The following HDHD2 variants were observed in gnomAD, a reference collection of about 807,000 sequenced individuals.
HDHD2 encodes the protein haloacid dehalogenase-like hydrolase domain-containing protein 2.
A neutral mutation model predicts 24.8 loss-of-function variants in HDHD2; 26 were observed. The ratio of observed to expected loss-of-function variants is 1.05; its 90% confidence interval spans 0.77 to 1.45. The LOEUF (loss-of-function observed/expected upper bound fraction) is 1.45. Ranked by LOEUF, HDHD2 falls within the 40% of genes most tolerant of loss-of-function variation. The pLI, the probability that HDHD2 is intolerant of heterozygous loss-of-function variation, is 0.00. For synonymous variants in HDHD2, 128 were observed against 114.9 expected, an observed-to-expected ratio of 1.11 and a Z score of -0.73; for missense variants, 299 against 313.4, an observed-to-expected ratio of 0.95 and a Z score of 0.35.
At chr18:47,110,744 GATGA>G in intron 6 of HDHD2, 1 of 985,278 alleles carries the variant, frequency 1.0e-6, no homozygotes, top group Non-Finnish European at 1.2e-6. Flanking sequence ...ATGGATAAAT[GATGA>G]ATGGAGGGAG....
intron 3 of HDHD2, among the ~76,000 whole-genome samples, chr18:47,130,666 T>C (rs972393600): frequency 2.6e-5 from 4 of 152,214 alleles, no homozygotes; most frequent in African/African-American, 4.8e-5. Flanking sequence ...CAAAATGCTT[T>C]ACTGATTACA....
At chr18:47,133,497 T>TGGGTATATACCCAG (rs1555651087) in intron 3 of HDHD2, among the ~76,000 whole-genome samples, 2 of 104,460 alleles carry the variant, frequency 1.9e-5, no homozygotes, top group African/African-American at 7.1e-5. Flanking sequence ...TTATAGTCCT[T>TGGGTATATACCCAG]TAATGGGATG....
chr18:47,137,872 T>C (rs965283865), intron 1 of HDHD2, among the ~76,000 whole-genome samples: 10 of 151,350 alleles, frequency 6.6e-5, no homozygotes, highest in Admixed American at 5.3e-4. Context: ...AAACTTCCTG[T>C]TGGAAAAAAA....
At chr18:47,141,875 G>A (rs563786974) in intron 1 of HDHD2, among the ~76,000 whole-genome samples, 22 of 152,280 alleles carry the variant, frequency 1.4e-4, no homozygotes, top group Admixed American at 9.8e-4. Context: ...TAATTCCCAC[G>A]TGTCGTGGGA....
At chr18:47,135,003 A>C (rs2063750530) in intron 2 of HDHD2, among the ~76,000 whole-genome samples, 1 of 152,214 alleles carries the variant, frequency 6.6e-6, no homozygotes, top group South Asian at 2.1e-4. Context: ...CCTATTAAGG[A>C]GTCAAGATAA....
chr18:47,124,706 CAAAAA>C (rs34350751), intron 4 of HDHD2, among the ~76,000 whole-genome samples: 1 of 43,370 alleles, frequency 2.3e-5, no homozygotes, highest in Non-Finnish European at 3.9e-5. Flanking sequence ...AACTCTGACT[CAAAAA>C]AAAAAAAAAA....
At chr18:47,129,515 T>C (rs1045025966) in intron 4 of HDHD2, among the ~76,000 whole-genome samples, 3 of 152,144 alleles carry the variant, frequency 2.0e-5, no homozygotes, top group Non-Finnish European at 4.4e-5. Flanking sequence ...TCTACTTCAC[T>C]GACTAAACTC....
chr18:47,133,133 T>C (rs1392363180), intron 3 of HDHD2, among the ~76,000 whole-genome samples: 1 of 151,814 alleles, frequency 6.6e-6, no homozygotes, highest in African/African-American at 2.4e-5. Context: ...CTCCTAACGC[T>C]ATCCCTCCCC....
intron 1 of HDHD2, among the ~76,000 whole-genome samples, chr18:47,147,179 C>A (rs1599975038): frequency 6.6e-6 from 1 of 152,174 alleles, no homozygotes; most frequent in African/African-American, 2.4e-5. Context: ...TTAAGTAAAT[C>A]CCCGATTCTG....
At chr18:47,127,295 A>C (rs971486107) in intron 4 of HDHD2, among the ~76,000 whole-genome samples, 1 of 152,210 alleles carries the variant, frequency 6.6e-6, no homozygotes, top group African/African-American at 2.4e-5. Context: ...AAGCATGCAC[A>C]ATACATTAGG....
chr18:47,136,402 T>C lies in HDHD2; in HGVS notation c.38A>G (p.Asp13Gly). Residue 13 changes from aspartate (D) to glycine (G), a missense_variant, in exon 2 of 7, where the codon GAT becomes GGT. By Grantham distance (94) the Asp-to-Gly change is moderately conservative (BLOSUM62 -1). Coordinates refer to ENST00000300605, the MANE Select transcript of HDHD2 (RefSeq NM_032124.5). Reference sequence around the variant, plus strand: ...TTCAATGTGAAGTGTGCCACTGAGATCTACCAAAACAGCTTTTAATGCACG... The same window carrying C: ...TTCAATGTGAAGTGTGCCACTGAGACCTACCAAAACAGCTTTTAATGCACG... ...ACRALKAVLV[D>G]LSGTLHIEDA... 1 of 1,613,124 alleles carries C rather than the reference T, an allele frequency of 6.2e-7. No homozygotes were observed. The highest frequency in any genetic ancestry group is 8.5e-7 in the Non-Finnish European group (1 of 1,179,904).
intron 3 of HDHD2, among the ~76,000 whole-genome samples, chr18:47,130,823 G>A (rs371487249): frequency 6.6e-6 from 1 of 152,166 alleles, no homozygotes; most frequent in Non-Finnish European, 1.5e-5. Context: ...GAAATGCACT[G>A]CAGAGTCTAC....
chr18:47,125,056 GGAGGCTAAGGCAGGAGGACCTCTT>G (rs2063644729), intron 4 of HDHD2, among the ~76,000 whole-genome samples: 1 of 152,062 alleles, frequency 6.6e-6, no homozygotes, highest in Non-Finnish European at 1.5e-5. Context: ...TAGCTACTTG[GGAGGCTAAGGCAGGAGGACCTCTT>G]GAGTCCAGGA....
intron 1 of HDHD2, among the ~76,000 whole-genome samples, chr18:47,138,784 A>T (rs1023566934): frequency 6.6e-6 from 1 of 152,192 alleles, no homozygotes; most frequent in African/African-American, 2.4e-5. Flanking sequence ...CAGAACTCTC[A>T]TCTGATTGTG....
chr18:47,136,964 C>G, intron 1 of HDHD2: 1 of 525,508 alleles, frequency 1.9e-6, no homozygotes, highest in Non-Finnish European at 3.5e-6. Flanking sequence ...ACTCTTGGTG[C>G]AGACATGGTA....
At chr18:47,141,692 C>T (rs1204594382) in intron 1 of HDHD2, among the ~76,000 whole-genome samples, 2 of 152,232 alleles carry the variant, frequency 1.3e-5, no homozygotes, top group Non-Finnish European at 2.9e-5. Context: ...TGAGAGCTCT[C>T]TCAGGTTGGC....
rs192026785 is a variant in HDHD2 at position 47,147,458 on chromosome 18, T to C, written c.-11+2920A>G. Among the ~76,000 whole-genome samples the C allele has an allele frequency of 2.1e-3, 326 of 152,268 alleles. 1 individual carries two copies. The highest frequency in any genetic ancestry group is 7.6e-3 in the African/African-American group (316 of 41,552). ...CTAGGGATTCCATTTGGATGTGTAA[T>C]AGTTAAAAAATTATTTGAAGTACAC... On this transcript the variant is annotated intron_variant, in intron 1 of 6. Coordinates refer to ENST00000300605, the MANE Select transcript of HDHD2 (RefSeq NM_032124.5).
chr18:47,139,621 C>T (rs1442052245), intron 1 of HDHD2, among the ~76,000 whole-genome samples: 1 of 152,046 alleles, frequency 6.6e-6, no homozygotes, highest in Non-Finnish European at 1.5e-5. Context: ...TAAGAAGTTC[C>T]ACAGGTCAGG....
intron 6 of HDHD2, among the ~76,000 whole-genome samples, chr18:47,112,660 G>A (rs1442301455): frequency 6.6e-6 from 1 of 152,156 alleles, no homozygotes; most frequent in African/African-American, 2.4e-5. Flanking sequence ...TTTTCACAGA[G>A]CACCACCATC....
Sources: allele counts gnomAD v4.1 joint callset (sites outside exome capture counted in the v4.1 genomes callset), GRCh38; gene constraint gnomAD v4.1.1; transcripts MANE v1.5; gene names NCBI Gene and HGNC (gene_info 2026-07-23, HGNC 2026-07-21).